AKAP6: variants seen among roughly 807,000 people sequenced by gnomAD.
The protein encoded by AKAP6 is A-kinase anchoring protein 6.
Under a neutral mutation model 188.5 loss-of-function variants are expected in AKAP6, and 58 were observed. The ratio of observed to expected loss-of-function variants is 0.31; its 90% CI spans 0.25 to 0.38. The LOEUF (loss-of-function observed/expected upper bound fraction) is 0.38, where lower values mean the gene tolerates loss of function less well. AKAP6 is among the 10% of genes least tolerant of loss of function. The pLI, the probability that AKAP6 is intolerant of heterozygous loss-of-function variation, is 1.00. For synonymous variants in AKAP6, 989 were observed against 998.6 expected (o/e 0.99, Z 0.18); for missense variants, 2,710 against 2,740.0 (o/e 0.99, Z 0.24).
intron 7 of AKAP6, among the ~76,000 whole-genome samples, chr14:32,612,165 T>G (rs1886374234): frequency 1.3e-5 from 2 of 152,166 alleles, no homozygotes; most frequent in African/African-American, 2.4e-5. Context: ...TACCTTACAT[T>G]TGGTGATTAA....
chr14:32,511,667 A>G (rs1470293830), intron 2 of AKAP6, among the ~76,000 whole-genome samples: 1 of 152,100 alleles, frequency 6.6e-6, no homozygotes, highest in Non-Finnish European at 1.5e-5. Context: ...TGTATTAACT[A>G]TTGATAACCC....
intron 2 of AKAP6, among the ~76,000 whole-genome samples, chr14:32,497,621 T>TA (rs1880389740): frequency 6.6e-6 from 1 of 152,122 alleles, no homozygotes. Context: ...CTAATTTACC[T>TA]AAAATGGCAC....
chr14:32,557,523 G>C (rs991612835), intron 4 of AKAP6, among the ~76,000 whole-genome samples: 26 of 152,280 alleles, frequency 1.7e-4, no homozygotes, highest in African/African-American at 6.3e-4. Flanking sequence ...TTGCAATCAC[G>C]ATTCTGCTAT....
intron 4 of AKAP6, among the ~76,000 whole-genome samples, chr14:32,556,209 G>C (rs1435140206): frequency 6.6e-6 from 1 of 152,040 alleles, no homozygotes; most frequent in Non-Finnish European, 1.5e-5. Flanking sequence ...GATGAATAAT[G>C]ATGTTCAGCA....
At position 32,821,501 on chromosome 14, in the gene AKAP6, A is replaced by T. The variant is rs753879624; in HGVS notation, c.3688A>T (p.Ser1230Cys). 6.2e-7 allele frequency: 1 copy of T among 1,613,842 alleles called. No individual in the cohort carries two copies. The highest frequency in any genetic ancestry group is 8.5e-7 in the Non-Finnish European group (1 of 1,179,840). ...AATGGACATAAGTAACAAGTTAATT[A>T]GTTTGAATGAGGAATCAAATGACCT... ...DEMDISNKLI[S>C]LNEESNDLDQ... The change falls in exon 13 of 14, where the codon AGT becomes TGT. Residue 1230 changes from serine to cysteine, a missense_variant. Physicochemically the swap from Ser to Cys is moderately radical, Grantham distance 112 (BLOSUM62 -1). This residue lies in a region of AKAP6 where 2,473 missense variants were observed against 2,426.1 expected (regional missense o/e 1.02). Transcript: ENST00000280979.
At chr14:32,339,315 C>T (rs937634515) in intron 1 of AKAP6, among the ~76,000 whole-genome samples, 1 of 152,154 alleles carries the variant, frequency 6.6e-6, no homozygotes, top group Admixed American at 6.6e-5. Context: ...TGGTCCTTTT[C>T]AAGGTATAAA....
At position 32,823,510 on chromosome 14, in the gene AKAP6, T is replaced by G. The variant is rs780930433; in HGVS notation, c.5697T>G (p.Ile1899Met). 1 of 1,613,760 alleles carries G rather than the reference T, an allele frequency of 6.2e-7. No homozygotes were observed. The highest frequency in any genetic ancestry group is 1.1e-5 in the South Asian group (1 of 91,072). Reference sequence around the variant, plus strand: ...TGGCTGACATGGAAAATGGCAATATTGAAGGTATTCCAGAAAGGCAAAAGG... The same window carrying G: ...TGGCTGACATGGAAAATGGCAATATGGAAGGTATTCCAGAAAGGCAAAAGG... The part of the protein sequence containing the change: ...PYVADMENGN[I>M]EGIPERQKGK... The change falls in exon 13 of 14, where the codon ATT (isoleucine) becomes ATG (methionine). Residue 1899 changes from isoleucine (I) to methionine (M), a missense_variant. Transcript: ENST00000280979.
intron 4 of AKAP6, among the ~76,000 whole-genome samples, chr14:32,558,411 C>T (rs558535092): frequency 1.3e-5 from 2 of 152,016 alleles, no homozygotes; most frequent in Admixed American, 1.3e-4. Flanking sequence ...AGTGGGAGAA[C>T]AGAAAAAAGA....
At chr14:32,539,297 G>A (rs554031814) in intron 3 of AKAP6, among the ~76,000 whole-genome samples, 1 of 152,308 alleles carries the variant, frequency 6.6e-6, no homozygotes, top group South Asian at 2.1e-4. Flanking sequence ...TAGATGGTGT[G>A]GTAAGCACTT....
chr14:32,463,337 C>T (rs146350059), intron 2 of AKAP6, among the ~76,000 whole-genome samples: 95 of 152,256 alleles, frequency 6.2e-4, no homozygotes, highest in Non-Finnish European at 1.2e-3. Flanking sequence ...TAAAATCAAC[C>T]GCATAACTGG....
intron 5 of AKAP6, among the ~76,000 whole-genome samples, chr14:32,577,685 T>A (rs901293982): frequency 1.3e-5 from 2 of 152,140 alleles, no homozygotes; most frequent in African/African-American, 4.8e-5. Flanking sequence ...TAATAAAATA[T>A]TTAAAATGAT....
In AKAP6 at chr14:32,364,351, T is replaced by C. The variant is rs373649747; in HGVS notation, c.-35+34943T>C. 3.9e-5 allele frequency among the ~76,000 whole-genome samples: 6 copies of C among 152,284 alleles called. No homozygotes were observed. In the South Asian group the frequency reaches 8.3e-4, roughly 21 times the overall value. On this transcript the variant is annotated intron_variant, in intron 1 of 13. Coordinates refer to ENST00000280979, the MANE Select transcript of AKAP6 (RefSeq NM_004274.5). ...TTACATTTTACCACAACCAGGACCC[T>C]TGGAAAATTTGACTGGCTTGTAGAG... is the stretch of plus-strand genomic sequence containing the variant.
intron 7 of AKAP6, among the ~76,000 whole-genome samples, chr14:32,620,315 T>G (rs1342638159): frequency 6.6e-6 from 1 of 152,148 alleles, no homozygotes; most frequent in Non-Finnish European, 1.5e-5. Flanking sequence ...TATATATGGC[T>G]TTTGTTATTC....
At chr14:32,679,681 T>G (rs1316384164) in intron 8 of AKAP6, among the ~76,000 whole-genome samples, 1 of 152,142 alleles carries the variant, frequency 6.6e-6, no homozygotes, top group Non-Finnish European at 1.5e-5. Flanking sequence ...TCATTCAGAG[T>G]CATAATTGAG....
chr14:32,764,882 C>T (rs917253816), intron 11 of AKAP6, among the ~76,000 whole-genome samples: 1 of 150,318 alleles, frequency 6.7e-6, no homozygotes, highest in African/African-American at 2.4e-5. Flanking sequence ...AGTGCTCCAG[C>T]AATTGATAAG....
At chr14:32,754,619 A>C (rs1214282806) in intron 11 of AKAP6, among the ~76,000 whole-genome samples, 1 of 152,092 alleles carries the variant, frequency 6.6e-6, no homozygotes, top group Non-Finnish European at 1.5e-5. Flanking sequence ...ATGTGTTTTC[A>C]TGTTTTTAGC....
At chr14:32,356,043 C>G (rs1200591721) in intron 1 of AKAP6, among the ~76,000 whole-genome samples, 1 of 152,156 alleles carries the variant, frequency 6.6e-6, no homozygotes, top group African/African-American at 2.4e-5. Flanking sequence ...CTCCAAAGTG[C>G]TGGGATTACA....
At chr14:32,531,019 C>T (rs945187198) in intron 2 of AKAP6, among the ~76,000 whole-genome samples, 3 of 152,160 alleles carry the variant, frequency 2.0e-5, no homozygotes, top group Non-Finnish European at 2.9e-5. Flanking sequence ...GTCTCATTGA[C>T]TGGAGACAGC....
At chr14:32,792,258 G>A (rs2033634502) in intron 12 of AKAP6, among the ~76,000 whole-genome samples, 2 of 152,178 alleles carry the variant, frequency 1.3e-5, no homozygotes, top group Admixed American at 6.5e-5. Flanking sequence ...CATGAGCATG[G>A]AATGTTTTTC....
Sources: gnomAD v4.1 joint callset for allele counts (sites outside exome capture counted in the v4.1 genomes callset) on GRCh38, gnomAD v4.1.1 for gene constraint, gnomAD v4.1.1 regional missense constraint, MANE v1.5 for transcripts, NCBI Gene and HGNC (gene_info 2026-07-23, HGNC 2026-07-21) for gene names.